WWOX: variants seen among roughly 807,000 people sequenced by gnomAD.
WWOX encodes WW domain-containing oxidoreductase.
WWOX carries 69 observed loss-of-function variants against 46.2 expected under a neutral mutation model. The ratio of observed to expected loss-of-function variants is 1.49; its 90% CI spans 1.23 to 1.82. WWOX has a LOEUF of 1.82. WWOX is among the 40% of genes most tolerant of loss of function. WWOX has a pLI of 0.00. For synonymous variants in WWOX, 359 were observed against 202.6 expected (o/e 1.77, Z -6.56); for missense variants, 919 against 542.6 (o/e 1.69, Z -6.89).
chr16:78,204,845 T>A (rs534807985), intron 5 of WWOX, among the ~76,000 whole-genome samples: 70 of 152,318 alleles, frequency 4.6e-4, no homozygotes, highest in African/African-American at 1.6e-3. Flanking sequence ...CCTGTTGATT[T>A]TTATGTCTTA....
At chr16:79,186,225 T>C (rs995198084) in intron 8 of WWOX, among the ~76,000 whole-genome samples, 5 of 152,158 alleles carry the variant, frequency 3.3e-5, no homozygotes, top group African/African-American at 4.8e-5. Flanking sequence ...AGTGTGTGCT[T>C]CCCATGGCTG....
chr16:78,383,081 A>C (rs1303825955), intron 5 of WWOX, among the ~76,000 whole-genome samples: 2 of 150,608 alleles, frequency 1.3e-5, no homozygotes, highest in Non-Finnish European at 3.0e-5. Context: ...ACGAGACAGC[A>C]CTAGGGGGAT....
chr16:78,803,449 C>G (rs986217146), intron 8 of WWOX, among the ~76,000 whole-genome samples: 2 of 151,998 alleles, frequency 1.3e-5, no homozygotes, highest in Non-Finnish European at 1.5e-5. Flanking sequence ...TTCAAAGGTA[C>G]TCTTTTTTCT....
At chr16:78,988,906 CAGA>C (rs1395286213) in intron 8 of WWOX, among the ~76,000 whole-genome samples, 1 of 152,156 alleles carries the variant, frequency 6.6e-6, no homozygotes, top group African/African-American at 2.4e-5. Flanking sequence ...TCAGGCAAAG[CAGA>C]TACACGTGCT....
intron 8 of WWOX, among the ~76,000 whole-genome samples, chr16:79,152,211 G>C (rs982719457): frequency 6.6e-6 from 1 of 152,140 alleles, no homozygotes; most frequent in Non-Finnish European, 1.5e-5. Flanking sequence ...CTGAGGAGCG[G>C]GATTCGCTGA....
chr16:78,115,180 C>G (rs1261185322), intron 4 of WWOX, 26 bp downstream of exon 4: 8 of 1,613,716 alleles, frequency 5.0e-6, no homozygotes, highest in Non-Finnish European at 6.8e-6. Flanking sequence ...AGTTATTTAT[C>G]TTTGGGACTG....
At chr16:78,268,148 C>T (rs1431556807) in intron 5 of WWOX, among the ~76,000 whole-genome samples, 1 of 152,158 alleles carries the variant, frequency 6.6e-6, no homozygotes, top group Non-Finnish European at 1.5e-5. Context: ...ATGAATTCCA[C>T]CTTTCCCATG....
At chr16:78,845,095 A>G (rs1338343487) in intron 8 of WWOX, among the ~76,000 whole-genome samples, 1 of 151,194 alleles carries the variant, frequency 6.6e-6, no homozygotes, top group East Asian at 1.9e-4. Context: ...CCTCCTATTT[A>G]ATAGCCCTGC....
chr16:78,680,592 C>T (rs2047706605), intron 8 of WWOX, among the ~76,000 whole-genome samples: 1 of 152,162 alleles, frequency 6.6e-6, no homozygotes, highest in Non-Finnish European at 1.5e-5. Flanking sequence ...AGCCAGTGGA[C>T]ACGTGGGGCC....
intron 7 of WWOX, among the ~76,000 whole-genome samples, chr16:78,430,192 A>G (rs2083182265): frequency 6.6e-6 from 1 of 152,128 alleles, no homozygotes; most frequent in Non-Finnish European, 1.5e-5. Context: ...CATTTATAAA[A>G]CCATCAGATT....
intron 8 of WWOX, among the ~76,000 whole-genome samples, chr16:78,951,041 T>C (rs2046049437): frequency 6.6e-6 from 1 of 152,168 alleles, no homozygotes; most frequent in African/African-American, 2.4e-5. Context: ...GTGGCAGCAA[T>C]TGTAGGACAA....
At chr16:78,755,825 G>C (rs575154363) in intron 8 of WWOX, among the ~76,000 whole-genome samples, 1 of 152,064 alleles carries the variant, frequency 6.6e-6, no homozygotes, top group Non-Finnish European at 1.5e-5. Context: ...AATAGCTTTG[G>C]GTCTACAAGT....
At chr16:78,317,954 T>A (rs551404982) in intron 5 of WWOX, among the ~76,000 whole-genome samples, 6 of 152,280 alleles carry the variant, frequency 3.9e-5, no homozygotes, top group African/African-American at 1.4e-4. Flanking sequence ...CAGCCTGGGT[T>A]TGAAAGCAAA....
At chr16:78,390,655 T>G (rs1469095400) in intron 6 of WWOX, among the ~76,000 whole-genome samples, 3 of 152,212 alleles carry the variant, frequency 2.0e-5, no homozygotes, top group East Asian at 1.9e-4. Flanking sequence ...GATGACAGTT[T>G]AGTACTTGCA....
At chr16:78,686,589 G>C (rs923796813) in intron 8 of WWOX, among the ~76,000 whole-genome samples, 5 of 152,108 alleles carry the variant, frequency 3.3e-5, no homozygotes, top group Non-Finnish European at 7.4e-5. Flanking sequence ...ACACTAAAGG[G>C]GAGTGGGCCC....
At chr16:78,599,408 C>T (rs1264304147) in intron 8 of WWOX, among the ~76,000 whole-genome samples, 1 of 152,204 alleles carries the variant, frequency 6.6e-6, no homozygotes, top group African/African-American at 2.4e-5. Context: ...GCTGCCCTGC[C>T]CCCGCCATAG....
At chr16:78,621,758 C>T (rs1161320884) in intron 8 of WWOX, among the ~76,000 whole-genome samples, 2 of 151,636 alleles carry the variant, frequency 1.3e-5, no homozygotes, top group Non-Finnish European at 2.9e-5. Context: ...GCACTCACCA[C>T]CATGCCTGGC....
chr16:79,208,605 C>G (rs368920), intron 8 of WWOX, among the ~76,000 whole-genome samples: 63,184 of 151,492 alleles, frequency 0.42, 15,000 homozygotes, highest in Non-Finnish European at 0.55. Context: ...TGAAAGTCAT[C>G]TGATGGTGAT....
At chr16:78,907,597 G>A (rs945893403) in intron 8 of WWOX, among the ~76,000 whole-genome samples, 5 of 152,170 alleles carry the variant, frequency 3.3e-5, no homozygotes, top group Admixed American at 1.3e-4. Context: ...AAGGTTAAAG[G>A]CAAGATGGGG....
Sources: allele counts gnomAD v4.1 joint callset (sites outside exome capture counted in the v4.1 genomes callset), GRCh38; gene constraint gnomAD v4.1.1; transcripts MANE v1.5; gene names NCBI Gene and HGNC (gene_info 2026-07-23, HGNC 2026-07-21).